Variants in STXBP6 observed in about 807,000 individuals in gnomAD.
STXBP6 encodes syntaxin-binding protein 6.
A neutral mutation model predicts 26.9 loss-of-function variants in STXBP6; 21 were observed. That is an observed-to-expected ratio of 0.78 (90% CI 0.55 to 1.12). The LOEUF (loss-of-function observed/expected upper bound fraction) is 1.12, where lower values mean the gene tolerates loss of function less well. Ranked by LOEUF, STXBP6 falls within the 50% of genes most tolerant of loss-of-function variation. The probability of loss-of-function intolerance (pLI) is 0.00; values close to 1 mark genes in which losing one functional copy is unlikely to be tolerated. For synonymous variants in STXBP6, 97 were observed against 92.6 expected (o/e 1.05, Z -0.27); for missense variants, 232 against 257.9 (o/e 0.90, Z 0.69).
At chr14:24,890,758 C>G (rs564753162) in intron 2 of STXBP6, among the ~76,000 whole-genome samples, 2 of 152,282 alleles carry the variant, frequency 1.3e-5, no homozygotes, top group East Asian at 3.9e-4. Flanking sequence ...TAAATTGAAA[C>G]AGTATTAAAC....
At chr14:24,956,954 C>T (rs933427635) in intron 2 of STXBP6, among the ~76,000 whole-genome samples, 2 of 152,144 alleles carry the variant, frequency 1.3e-5, no homozygotes, top group African/African-American at 4.8e-5. Flanking sequence ...CTCCTAAGCT[C>T]CCTGAAGACG....
At chr14:24,885,359 G>T (rs1030689698) in intron 2 of STXBP6, among the ~76,000 whole-genome samples, 60 of 152,284 alleles carry the variant, frequency 3.9e-4, no homozygotes, top group African/African-American at 1.4e-3. Flanking sequence ...TAAGAAGAAG[G>T]TCTATTTTCC....
chr14:24,998,547 C>G (rs932760229), intron 1 of STXBP6, among the ~76,000 whole-genome samples: 1 of 152,104 alleles, frequency 6.6e-6, no homozygotes, highest in Non-Finnish European at 1.5e-5. Flanking sequence ...AGAATGACTA[C>G]TACTTGAATA....
At chr14:24,903,268 G>A (rs1402651879) in intron 2 of STXBP6, among the ~76,000 whole-genome samples, 1 of 152,118 alleles carries the variant, frequency 6.6e-6, no homozygotes, top group Non-Finnish European at 1.5e-5. Context: ...TTGAGACAGT[G>A]GTGAGCATAT....
chr14:24,951,606 T>C (rs949094131), intron 2 of STXBP6, among the ~76,000 whole-genome samples: 2 of 152,200 alleles, frequency 1.3e-5, no homozygotes, highest in Non-Finnish European at 2.9e-5. Flanking sequence ...ACTTGAAAAA[T>C]ATATTCTCTT....
chr14:25,013,038 G>A (rs2075065890), intron 1 of STXBP6, among the ~76,000 whole-genome samples: 1 of 152,176 alleles, frequency 6.6e-6, no homozygotes, highest in African/African-American at 2.4e-5. Context: ...GCTGCAGTGA[G>A]CTACGATAGT....
intron 1 of STXBP6, among the ~76,000 whole-genome samples, chr14:25,038,076 C>T (rs1595359729): frequency 6.6e-6 from 1 of 151,668 alleles, no homozygotes; most frequent in East Asian, 1.9e-4. Context: ...CGAACACACA[C>T]ACACACACTC....
At chr14:24,827,127 G>GGACACT (rs1347635376) in intron 4 of STXBP6, among the ~76,000 whole-genome samples, 1 of 152,114 alleles carries the variant, frequency 6.6e-6, no homozygotes, top group Non-Finnish European at 1.5e-5. Flanking sequence ...CTTGAGCCTG[G>GGACACT]GACACTGAGG....
At chr14:24,994,988 G>T (rs1331873105) in intron 1 of STXBP6, 1 of 148,632 alleles carries the variant, frequency 6.7e-6, no homozygotes, top group African/African-American at 2.7e-5. Context: ...CTCTAGCCTA[G>T]GTGACAGAGT....
chr14:24,863,792 C>T (rs72682915), intron 2 of STXBP6, among the ~76,000 whole-genome samples: 3,324 of 152,136 alleles, frequency 0.022, 53 homozygotes, highest in Middle Eastern at 0.034. Context: ...TCTCCATAGA[C>T]CTGCAGAGAA....
intron 1 of STXBP6, among the ~76,000 whole-genome samples, chr14:25,010,160 G>T (rs2074997183): frequency 6.6e-6 from 1 of 152,200 alleles, no homozygotes; most frequent in African/African-American, 2.4e-5. Context: ...AGCCAAGGCA[G>T]TCCTCAGGAA....
intron 1 of STXBP6, among the ~76,000 whole-genome samples, chr14:25,018,904 C>T (rs2075209170): frequency 6.6e-6 from 1 of 152,208 alleles, no homozygotes; most frequent in Admixed American, 6.5e-5. Context: ...TGGCAGTTTA[C>T]AATCTCAACT....
intron 1 of STXBP6, among the ~76,000 whole-genome samples, chr14:25,018,676 A>G (rs2075204818): frequency 6.6e-6 from 1 of 152,218 alleles, no homozygotes; most frequent in Non-Finnish European, 1.5e-5. Flanking sequence ...GCCAATATAC[A>G]CAATATGGCC....
chr14:24,910,969 G>A (rs2071550927), intron 2 of STXBP6, among the ~76,000 whole-genome samples: 1 of 152,116 alleles, frequency 6.6e-6, no homozygotes, highest in Non-Finnish European at 1.5e-5. Flanking sequence ...GAGAGAGAAG[G>A]AAGAAATCTA....
At chr14:24,990,997 AAGG>A (rs1324853885) in intron 1 of STXBP6, among the ~76,000 whole-genome samples, 1 of 150,650 alleles carries the variant, frequency 6.6e-6, no homozygotes, top group South Asian at 2.1e-4. Context: ...AGAAGAGAAA[AAGG>A]AGAGTAGGAG....
In STXBP6 at chr14:25,012,571, G is replaced by T. The variant is rs187759470; in HGVS notation, c.-33+37307C>A. On this transcript the variant is annotated intron_variant, in intron 1 of 5. Coordinates refer to ENST00000323944, the MANE Select transcript of STXBP6 (RefSeq NM_001394410.1). ...GCTGAGATTGCACCACTGCACTGCA[G>T]CCTGGGCAACAAAGCAAGGCTCTGT... Among the ~76,000 whole-genome samples, 3 of 152,254 alleles carry T rather than the reference G, an allele frequency of 2.0e-5. No homozygotes were observed. The East Asian group carries it at 5.8e-4, about 29-fold the overall frequency.
intron 4 of STXBP6, among the ~76,000 whole-genome samples, chr14:24,853,580 A>G (rs2069229017): frequency 6.6e-6 from 1 of 152,148 alleles, no homozygotes; most frequent in African/African-American, 2.4e-5. Context: ...GATGGAACTG[A>G]AAGAGATTTT....
chr14:24,831,698 G>T (rs2068458056), intron 4 of STXBP6, among the ~76,000 whole-genome samples: 1 of 152,112 alleles, frequency 6.6e-6, no homozygotes, highest in Admixed American at 6.5e-5. Context: ...CAACATTTAG[G>T]ATGTGTCCAG....
chr14:25,017,605 C>T (rs1171233232), intron 1 of STXBP6, among the ~76,000 whole-genome samples: 1 of 152,252 alleles, frequency 6.6e-6, no homozygotes, highest in Non-Finnish European at 1.5e-5. Context: ...GGGGAACCTA[C>T]AAGTTGTGGT....
Sources: gnomAD v4.1 joint callset for allele counts (sites outside exome capture counted in the v4.1 genomes callset) on GRCh38, gnomAD v4.1.1 for gene constraint, MANE v1.5 for transcripts, NCBI Gene and HGNC (gene_info 2026-07-23, HGNC 2026-07-21) for gene names.